The following RAVER2 variants were observed in gnomAD, a reference collection of about 807,000 sequenced individuals.
RAVER2 encodes ribonucleoprotein PTB-binding 2.
A neutral mutation model predicts 78.1 loss-of-function variants in RAVER2; 46 were observed. The ratio of observed to expected loss-of-function variants is 0.59; its 90% CI spans 0.46 to 0.75. RAVER2 has a LOEUF of 0.75. Among genes scored for constraint, RAVER2 ranks in the 30% least tolerant of loss-of-function variants. RAVER2 has a pLI of 0.00. For synonymous variants in RAVER2, 311 were observed against 313.3 expected, an observed-to-expected ratio of 0.99 and a Z score of 0.08; for missense variants, 793 against 837.5, an observed-to-expected ratio of 0.95 and a Z score of 0.66.
At chr1:64,769,362 T>A (rs1652256182) in intron 2 of RAVER2, among the ~76,000 whole-genome samples, 1 of 152,066 alleles carries the variant, frequency 6.6e-6, no homozygotes, top group Non-Finnish European at 1.5e-5. Flanking sequence ...TGAAATTCAC[T>A]TTCTACTACT....
intron 2 of RAVER2, among the ~76,000 whole-genome samples, chr1:64,770,639 C>G (rs934587750): frequency 2.0e-5 from 3 of 151,918 alleles, no homozygotes; most frequent in Non-Finnish European, 4.4e-5. Flanking sequence ...AGAATTGACA[C>G]AGATGAATTA....
rs117122215 is a variant in RAVER2 at position 64,807,557 on chromosome 1, G to A, written c.1680+83G>A. The A allele has an allele frequency of 7.9e-5, 102 of 1,299,306 alleles. No individual in the cohort carries two copies. In the East Asian group the frequency reaches 1.7e-3, roughly 22 times the overall value. 80.5% of individuals were successfully genotyped at this position (1,299,306 alleles called of 1,614,324 possible). A position where few individuals can be genotyped will look rare whatever the true frequency, so the allele number is the denominator to read the frequency against. ...CTTTTAAATTATGTCTTAAATTGTC[G>A]TGTCAATGAAATGATGACTTTTTCA... On this transcript the variant is annotated intron_variant, in intron 9 of 11. Transcript: ENST00000294428.
At chr1:64,814,148 G>T (rs976250069) in intron 10 of RAVER2, among the ~76,000 whole-genome samples, 3 of 152,070 alleles carry the variant, frequency 2.0e-5, no homozygotes, top group East Asian at 1.9e-4. Flanking sequence ...AGTCTGGAGT[G>T]CAGTGGCATC....
At chr1:64,785,688 A>G (rs1177058086) in intron 4 of RAVER2, among the ~76,000 whole-genome samples, 2 of 151,942 alleles carry the variant, frequency 1.3e-5, no homozygotes, top group Non-Finnish European at 2.9e-5. Flanking sequence ...TAACTTTTTA[A>G]CATGCATAGG....
intron 9 of RAVER2, 61 bp from the exon 10 acceptor site, chr1:64,812,677 C>T: frequency 9.2e-7 from 1 of 1,091,462 alleles, no homozygotes; most frequent in Non-Finnish European, 1.3e-6. Context: ...TTTCTCTATT[C>T]TTTATTTTTA....
At chr1:64,795,545 C>T (rs1653072339) in intron 5 of RAVER2, among the ~76,000 whole-genome samples, 2 of 152,014 alleles carry the variant, frequency 1.3e-5, no homozygotes, top group Admixed American at 1.3e-4. Flanking sequence ...GATTTATTCA[C>T]AGTATTTCAT....
chr1:64,745,842 A>G lies in RAVER2; in HGVS notation c.249+421A>G, dbSNP rs555286550. Among the ~76,000 whole-genome samples, 4 of 152,200 alleles carry G rather than the reference A, an allele frequency of 2.6e-5. No individual in the cohort carries two copies. The highest frequency in any genetic ancestry group is 9.6e-5 in the African/African-American group (4 of 41,514). On this transcript the variant is annotated intron_variant, in intron 1 of 11. Transcript: ENST00000294428. This position sits in a 1 kb window ranked among gnomAD's most constrained non-coding sequence, Gnocchi z 4.3. ...TTGGCAGGGGCGAGGGCTCCAACGT[A>G]TAGTCCCCGGTGCTCGGGAGTGCCA...
chr1:64,814,607 T>C (rs1183503240), intron 10 of RAVER2, 97 bp from the exon 11 acceptor site: 12 of 656,780 alleles, frequency 1.8e-5, no homozygotes, highest in Non-Finnish European at 2.4e-5. Context: ...GTTTATAATA[T>C]AACTTATAAT....
At chr1:64,770,066 G>A (rs991156896) in intron 2 of RAVER2, among the ~76,000 whole-genome samples, 1 of 151,966 alleles carries the variant, frequency 6.6e-6, no homozygotes, top group African/African-American at 2.4e-5. Context: ...TACGATTAAT[G>A]TATTTGTTAC....
At chr1:64,775,864 C>A (rs1262460692) in intron 2 of RAVER2, among the ~76,000 whole-genome samples, 1 of 151,648 alleles carries the variant, frequency 6.6e-6, no homozygotes, top group Non-Finnish European at 1.5e-5. Flanking sequence ...ACTAAAAATA[C>A]AAAAATTAGC....
intron 8 of RAVER2, among the ~76,000 whole-genome samples, chr1:64,806,152 G>C (rs2100876228): frequency 6.6e-6 from 1 of 152,168 alleles, no homozygotes; most frequent in South Asian, 2.1e-4. Context: ...ATTTAATTTT[G>C]ACCTATAGAT....
chr1:64,781,398 A>T, exon 4 of RAVER2: 1 of 1,610,082 alleles, frequency 6.2e-7, no homozygotes, highest in South Asian at 1.1e-5. Flanking sequence ...GGATGAAGGT[A>T]GTTACGTTGG....
intron 6 of RAVER2, among the ~76,000 whole-genome samples, chr1:64,804,308 G>T (rs1312578789): frequency 6.6e-6 from 1 of 151,836 alleles, no homozygotes; most frequent in Non-Finnish European, 1.5e-5. Context: ...GTAATCCTGT[G>T]TTTTTTTTAT....
chr1:64,802,995 C>T, exon 6 of RAVER2: 1 of 1,609,564 alleles, frequency 6.2e-7, no homozygotes. Context: ...GAACACCTCA[C>T]AGCTTGCCAC....
intron 1 of RAVER2, among the ~76,000 whole-genome samples, chr1:64,759,215 T>TTTTATC (rs1651942781): frequency 6.6e-6 from 1 of 151,146 alleles, no homozygotes. Context: ...TTTTTATTTA[T>TTTTATC]TTTATTTTTA....
intron 1 of RAVER2, among the ~76,000 whole-genome samples, chr1:64,760,447 C>T (rs1452450883): frequency 2.0e-5 from 3 of 151,684 alleles, no homozygotes; most frequent in African/African-American, 4.8e-5. Context: ...TGGTAGCTAA[C>T]GGAAAGAAGG....
intron 9 of RAVER2, 109 bp downstream of exon 9, chr1:64,807,583 T>A: frequency 8.8e-7 from 1 of 1,135,684 alleles, no homozygotes; most frequent in Non-Finnish European, 1.2e-6. Context: ...GACTTTTTCA[T>A]AGTTTACATT....
At chr1:64,753,965 A>C (rs1195175295) in intron 1 of RAVER2, among the ~76,000 whole-genome samples, 3 of 152,174 alleles carry the variant, frequency 2.0e-5, no homozygotes, top group African/African-American at 7.2e-5. Flanking sequence ...TATGGTACCC[A>C]AAATTGAGTA....
intron 2 of RAVER2, among the ~76,000 whole-genome samples, chr1:64,774,707 G>T (rs999409631): frequency 6.6e-6 from 1 of 152,126 alleles, no homozygotes; most frequent in Non-Finnish European, 1.5e-5. Context: ...TTCCAATTCT[G>T]TGAAGAAAGT....
Sources: allele counts gnomAD v4.1 joint callset (sites outside exome capture counted in the v4.1 genomes callset), GRCh38; gene constraint gnomAD v4.1.1; non-coding constraint Gnocchi (gnomAD v3.1); transcripts MANE v1.5; gene names NCBI Gene and HGNC (gene_info 2026-07-23, HGNC 2026-07-21).